RERE: variants seen among roughly 807,000 people sequenced by gnomAD.
The protein encoded by RERE is arginine-glutamic acid dipeptide repeats protein.
Under a neutral mutation model 146.1 loss-of-function variants are expected in RERE, and 40 were observed. That is an observed-to-expected ratio of 0.27 (90% CI 0.21 to 0.36). RERE has a LOEUF of 0.36. Ranked by LOEUF, RERE falls within the 10% of genes least tolerant of loss-of-function variation. The pLI is 1.00. For synonymous variants in RERE, 1,003 were observed against 866.0 expected (o/e 1.16, Z -2.78); for missense variants, 1,933 against 2,138.7 (o/e 0.90, Z 1.90).
intron 1 of RERE, among the ~76,000 whole-genome samples, chr1:8,661,260 G>T (rs1006868931): frequency 6.6e-6 from 1 of 152,142 alleles, no homozygotes; most frequent in Admixed American, 6.5e-5. Flanking sequence ...GCCCACTCAA[G>T]ACACAGGAGA....
intron 16 of RERE, 92 bp downstream of exon 16, chr1:8,362,591 C>T (rs146958244): frequency 8.0e-6 from 12 of 1,500,312 alleles, no homozygotes; most frequent in African/African-American, 1.4e-5. Context: ...GCTGCATCCT[C>T]GTGTCTGAGG....
chr1:8,627,265 T>C (rs887556484), intron 2 of RERE, among the ~76,000 whole-genome samples: 1 of 152,146 alleles, frequency 6.6e-6, no homozygotes, highest in Non-Finnish European at 1.5e-5. Flanking sequence ...ATCAATCTTG[T>C]AGGCTCAGAG....
intron 7 of RERE, chr1:8,525,804 G>T (rs758704338): frequency 6.3e-7 from 1 of 1,583,290 alleles, no homozygotes; most frequent in Non-Finnish European, 8.6e-7. Context: ...GGGCTCTGGT[G>T]AGTCTAGCTG....
intron 1 of RERE, among the ~76,000 whole-genome samples, chr1:8,719,443 A>T (rs1639821644): frequency 6.6e-6 from 1 of 152,252 alleles, no homozygotes; most frequent in Non-Finnish European, 1.5e-5. Context: ...TCCAGGGTGT[A>T]TTAGAAACAA....
intron 1 of RERE, among the ~76,000 whole-genome samples, chr1:8,793,617 C>T (rs1304652101): frequency 1.3e-5 from 2 of 152,156 alleles, no homozygotes; most frequent in Admixed American, 6.5e-5. Context: ...GTGAGAAAAC[C>T]TAAATTATAT....
At chr1:8,555,169 G>A (rs1467710778) in intron 6 of RERE, among the ~76,000 whole-genome samples, 1 of 152,244 alleles carries the variant, frequency 6.6e-6, no homozygotes, top group Non-Finnish European at 1.5e-5. Flanking sequence ...CACACCGCCT[G>A]CTTCCTGTGG....
intron 4 of RERE, among the ~76,000 whole-genome samples, chr1:8,562,690 C>T (rs1646093131): frequency 1.3e-5 from 2 of 152,142 alleles, no homozygotes; most frequent in South Asian, 4.2e-4. Context: ...ATGTTTTAAG[C>T]CACTAAACAG....
Position 8,541,380 on chromosome 1 carries a change from G to A in RERE, c.726-62C>T, listed in dbSNP as rs78093597. On this transcript the variant is annotated intron_variant, in intron 6 of 22. Transcript: ENST00000400908. ...CAACTGCTTTTGCTAACCAAAACTG[G>A]AGGGGGAAGGGTGGAGGAAGCACTG... The A allele has an allele frequency of 3.8e-3, 3,724 of 990,818 alleles. 79 individuals carry two copies. The African/African-American group carries it at 0.049, about 13-fold the overall frequency. The allele number at this position is 990,818 out of a possible 1,614,324, so 61.4% of individuals were successfully genotyped here.
rs1211092536 is a variant in RERE, at chr1:8,793,474, CAA to C, written c.-145+23684_-145+23685del. Among the ~76,000 whole-genome samples, 6 of 152,132 alleles carry C rather than the reference CAA, an allele frequency of 3.9e-5. No homozygotes were observed. The East Asian group carries it at 5.8e-4, about 15-fold the overall frequency. ...TGGCAATCAGCATCCCAGAAAACTG[CAA>C]AGAGGTTAAGACCCAAGCAAAATGG... On this transcript the variant is annotated intron_variant, in intron 1 of 22. Transcript: ENST00000400908.
At chr1:8,767,333 T>TG (rs1640867351) in intron 1 of RERE, among the ~76,000 whole-genome samples, 1 of 152,196 alleles carries the variant, frequency 6.6e-6, no homozygotes, top group South Asian at 2.1e-4. Flanking sequence ...CCAGGCACAG[T>TG]GGCTCATGCC....
intron 1 of RERE, among the ~76,000 whole-genome samples, chr1:8,698,229 T>C (rs898260520): frequency 2.6e-5 from 4 of 152,252 alleles, no homozygotes; most frequent in Non-Finnish European, 5.9e-5. Flanking sequence ...TGCTTCTGTA[T>C]GTAAACTCAG....
chr1:8,482,175 AG>A (rs1464182578), intron 10 of RERE, among the ~76,000 whole-genome samples: 1 of 151,454 alleles, frequency 6.6e-6, no homozygotes, highest in African/African-American at 2.4e-5. Flanking sequence ...GAGGTTGCCT[AG>A]GGCTGCTCAA....
chr1:8,583,581 C>T (rs958024038), intron 4 of RERE, among the ~76,000 whole-genome samples: 7 of 152,154 alleles, frequency 4.6e-5, no homozygotes, highest in African/African-American at 1.7e-4. Flanking sequence ...CACTTTTGAA[C>T]TCTTCAAAAC....
rs537878040 is a variant in RERE, at chr1:8,361,515, GA to G, written c.2017-26del. The G allele has an allele frequency of 3.3e-4, 533 of 1,606,204 alleles. 1 individual carries two copies. The highest frequency in any genetic ancestry group is 6.6e-4 in the Middle Eastern group (4 of 6,056). The stretch of plus-strand genomic sequence containing the variant: ...CCTGGAGTCAGAGAAGGGAAGGATG[GA>G]AGTCCCAGGAGGGCAGAGCCCTGTC... On this transcript the variant is annotated intron_variant, in intron 17 of 22. Coordinates refer to ENST00000400908, the MANE Select transcript of RERE (RefSeq NM_001042681.2).
chr1:8,728,540 A>G (rs1033723599), intron 1 of RERE, among the ~76,000 whole-genome samples: 13 of 152,150 alleles, frequency 8.5e-5, no homozygotes, highest in African/African-American at 2.9e-4. Context: ...AGTAGTCACC[A>G]TTAAAAGGTA....
chr1:8,695,840 G>A (rs540705244), intron 1 of RERE, among the ~76,000 whole-genome samples: 2 of 152,078 alleles, frequency 1.3e-5, no homozygotes, highest in Admixed American at 6.6e-5. Context: ...ATCTGACAAA[G>A]GTCTAATACC....
chr1:8,755,550 T>C (rs1640624367), intron 1 of RERE, among the ~76,000 whole-genome samples: 1 of 152,160 alleles, frequency 6.6e-6, no homozygotes, highest in African/African-American at 2.4e-5. Context: ...TGGTTTAAGC[T>C]TCATGGACAA....
At chr1:8,590,645 C>T (rs753418726) in intron 4 of RERE, 1 of 152,184 alleles carries the variant, frequency 6.6e-6, no homozygotes, top group African/African-American at 2.4e-5. Flanking sequence ...ACAAACTATG[C>T]CTTTAAGCTT....
intron 11 of RERE, among the ~76,000 whole-genome samples, chr1:8,457,479 A>G (rs1463116289): frequency 6.6e-6 from 1 of 152,244 alleles, no homozygotes; most frequent in African/African-American, 2.4e-5. Context: ...TAGGAAAAGA[A>G]TAACAAAACA....
Sources: allele counts gnomAD v4.1 joint callset (sites outside exome capture counted in the v4.1 genomes callset), GRCh38; gene constraint gnomAD v4.1.1; transcripts MANE v1.5; gene names NCBI Gene and HGNC (gene_info 2026-07-23, HGNC 2026-07-21).